Variants in CLNK observed in about 807,000 individuals in gnomAD.
CLNK encodes the protein cytokine-dependent hematopoietic cell linker.
CLNK carries 74 observed loss-of-function variants against 68.6 expected under a neutral mutation model. The observed-to-expected ratio is 1.08, with a 90% CI of 0.89 to 1.31. The LOEUF is 1.31. Ranked by LOEUF, CLNK falls within the 50% of genes most tolerant of loss-of-function variation. The probability of loss-of-function intolerance (pLI) is 0.00; values close to 1 mark genes in which losing one functional copy is unlikely to be tolerated. For missense variants in CLNK, 553 were observed against 515.3 expected, an observed-to-expected ratio of 1.07 and a Z score of -0.71; for synonymous variants, 198 against 172.2, an observed-to-expected ratio of 1.15 and a Z score of -1.17.
chr4:10,696,466 G>A, the CLNK span, among the ~76,000 whole-genome samples: 6 of 152,256 alleles, frequency 3.9e-5, no homozygotes, highest in African/African-American at 1.2e-4. Flanking sequence ...GCTTGCTTGC[G>A]GCTCATGCAC....
At chr4:10,559,265 G>A (rs1719797337) in intron 7 of CLNK, among the ~76,000 whole-genome samples, 1 of 152,174 alleles carries the variant, frequency 6.6e-6, no homozygotes, top group South Asian at 2.1e-4. Flanking sequence ...TGGGTCAGGG[G>A]CCCATTGAAT....
intron 2 of CLNK, among the ~76,000 whole-genome samples, chr4:10,644,664 T>C (rs887757592): frequency 2.0e-5 from 3 of 152,160 alleles, no homozygotes; most frequent in African/African-American, 7.2e-5. Context: ...TGAAAATGAA[T>C]GCAATATTTA....
intron 7 of CLNK, among the ~76,000 whole-genome samples, chr4:10,560,557 C>A (rs1262086668): frequency 6.6e-6 from 1 of 152,170 alleles, no homozygotes; most frequent in Non-Finnish European, 1.5e-5. Flanking sequence ...GATCCTCCCA[C>A]TTCAGCCTCC....
At chr4:10,597,399 C>T (rs1721425824) in intron 3 of CLNK, among the ~76,000 whole-genome samples, 2 of 152,162 alleles carry the variant, frequency 1.3e-5, no homozygotes, top group African/African-American at 2.4e-5. Flanking sequence ...GTCAGTAATT[C>T]GATCAAGTTA....
chr4:10,733,984 T>C, the CLNK span, among the ~76,000 whole-genome samples: 12 of 152,226 alleles, frequency 7.9e-5, no homozygotes, highest in Admixed American at 7.2e-4. Context: ...CCATTAGAGA[T>C]ACATATCTTT....
the CLNK span, among the ~76,000 whole-genome samples, chr4:10,728,601 TTTC>T: frequency 0.024 from 1,957 of 82,650 alleles, 26 homozygotes; most frequent in African/African-American, 0.068. Flanking sequence ...TCTTTCTTTC[TTTC>T]TTTTTTTTTT....
chr4:10,655,334 C>CAG (rs148877353), intron 2 of CLNK, among the ~76,000 whole-genome samples: 9,574 of 135,192 alleles, frequency 0.071, 396 homozygotes, highest in Middle Eastern at 0.18. Context: ...CCCCCAAAGA[C>CAG]AGAGAGAGAG....
rs1363858166 is a variant in CLNK, at chr4:10,490,621, A to G, written c.1141-8T>C. On this transcript the variant is annotated splice_polypyrimidine_tract_variant and splice_region_variant and intron_variant, in intron 18 of 18. Coordinates refer to ENST00000226951, the MANE Select transcript of CLNK (RefSeq NM_052964.4). ...TTCTACTGAATCAAACTTCTGAAAC[A>G]CAGAAAAGAAAGTTAATGACTTTTA... is the stretch of plus-strand genomic sequence containing the variant. 6.4e-7 allele frequency: 1 copy of G among 1,556,662 alleles called. No individual in the cohort carries two copies. Among genetic ancestry groups the G allele is most frequent in the Non-Finnish European group, 8.7e-7 (1 of 1,149,052 alleles).
chr4:10,541,381 G>T (rs1048667931), intron 10 of CLNK, among the ~76,000 whole-genome samples: 2 of 151,932 alleles, frequency 1.3e-5, no homozygotes, highest in African/African-American at 4.8e-5. Flanking sequence ...TACAGTTTTT[G>T]GTTCAAGCTG....
At chr4:10,529,027 A>G (rs1455505523) in intron 12 of CLNK, among the ~76,000 whole-genome samples, 1 of 152,180 alleles carries the variant, frequency 6.6e-6, no homozygotes, top group Non-Finnish European at 1.5e-5. Flanking sequence ...AGCAAAAAGC[A>G]TTACAGTAGA....
upstream of CLNK, among the ~76,000 whole-genome samples, chr4:10,686,855 C>A (rs1265050181): frequency 6.6e-6 from 1 of 152,016 alleles, no homozygotes; most frequent in African/African-American, 2.4e-5. Flanking sequence ...GAATTGAAGA[C>A]AATTTGGTTT....
At chr4:10,582,211 C>G (rs1720808168) in intron 4 of CLNK, among the ~76,000 whole-genome samples, 1 of 152,092 alleles carries the variant, frequency 6.6e-6, no homozygotes, top group South Asian at 2.1e-4. Flanking sequence ...CCAGGAGGAT[C>G]CAGCCTCTGC....
chr4:10,561,620 GCCACTGGT>G (rs1719890580), intron 7 of CLNK, among the ~76,000 whole-genome samples: 1 of 152,138 alleles, frequency 6.6e-6, no homozygotes, highest in African/African-American at 2.4e-5. Context: ...TGTGTCTTCA[GCCACTGGT>G]CCAATCTCTC....
intron 5 of CLNK, among the ~76,000 whole-genome samples, chr4:10,571,277 G>A (rs920437499): frequency 1.3e-5 from 2 of 150,682 alleles, no homozygotes; most frequent in Non-Finnish European, 2.9e-5. Context: ...TTCTTGCCAG[G>A]AAAGTATGCC....
chr4:10,609,199 C>T (rs557869869), intron 2 of CLNK, among the ~76,000 whole-genome samples: 1 of 152,334 alleles, frequency 6.6e-6, no homozygotes, highest in Non-Finnish European at 1.5e-5. Flanking sequence ...TTTCCCCATA[C>T]TCCTACCTTT....
At chr4:10,628,401 CAT>C (rs1301987503) in intron 2 of CLNK, among the ~76,000 whole-genome samples, 1 of 151,638 alleles carries the variant, frequency 6.6e-6, no homozygotes, top group Non-Finnish European at 1.5e-5. Context: ...GAAATCAACT[CAT>C]AGTAGTTTGC....
chr4:10,588,366 A>G (rs942503930), intron 3 of CLNK, among the ~76,000 whole-genome samples: 1 of 152,206 alleles, frequency 6.6e-6, no homozygotes, highest in African/African-American at 2.4e-5. Context: ...AGTGCTAAAA[A>G]GCATGTTGGA....
intron 2 of CLNK, among the ~76,000 whole-genome samples, chr4:10,623,726 G>T (rs907664210): frequency 2.0e-5 from 3 of 152,226 alleles, no homozygotes; most frequent in Non-Finnish European, 4.4e-5. Context: ...GAACTGTAGG[G>T]ACTCCTTGTT....
intron 1 of CLNK, among the ~76,000 whole-genome samples, chr4:10,668,937 A>T (rs754197179): frequency 2.0e-5 from 3 of 152,206 alleles, no homozygotes; most frequent in Non-Finnish European, 4.4e-5. Flanking sequence ...GGGCTCCCAG[A>T]TGAGAGGAAT....
Sources: gnomAD v4.1 joint callset for allele counts (sites outside exome capture counted in the v4.1 genomes callset) on GRCh38, gnomAD v4.1.1 for gene constraint, MANE v1.5 for transcripts, NCBI Gene and HGNC (gene_info 2026-07-23, HGNC 2026-07-21) for gene names.